The following SLC41A3 variants were observed in gnomAD, a reference collection of about 807,000 sequenced individuals.
The protein encoded by SLC41A3 is solute carrier family 41 member 3, also known as SLC41A1-like 2.
In SLC41A3, 44 loss-of-function variants were observed where a neutral mutation model predicts 45.4. The ratio of observed to expected loss-of-function variants is 0.97; its 90% CI spans 0.76 to 1.25. The LOEUF (loss-of-function observed/expected upper bound fraction) is 1.25. Among genes scored for constraint, SLC41A3 ranks in the 50% most tolerant of loss-of-function variants. SLC41A3 has a pLI of 0.00. For missense variants in SLC41A3, 550 were observed against 600.6 expected (o/e 0.92, Z 0.88); for synonymous variants, 256 against 252.4 (o/e 1.01, Z -0.13).
upstream of SLC41A3, among the ~76,000 whole-genome samples, chr3:126,087,915 A>T (rs747763783): frequency 6.6e-6 from 1 of 152,136 alleles, no homozygotes; most frequent in Admixed American, 6.5e-5. Context: ...TAATTGGCTA[A>T]AACAGTATTT....
At chr3:126,068,495 G>A (rs1426445484) in intron 1 of SLC41A3, among the ~76,000 whole-genome samples, 1 of 152,038 alleles carries the variant, frequency 6.6e-6, no homozygotes, top group Admixed American at 6.6e-5. Flanking sequence ...CAGCAAAAAA[G>A]GGCCTCTGAA....
At chr3:126,068,619 C>T (rs1434052211) in intron 1 of SLC41A3, among the ~76,000 whole-genome samples, 1 of 152,314 alleles carries the variant, frequency 6.6e-6, no homozygotes. Context: ...AATACCCATT[C>T]AAGAAAAATT....
At chr3:126,021,872 GT>G (rs1940913693) in intron 6 of SLC41A3, among the ~76,000 whole-genome samples, 1 of 152,156 alleles carries the variant, frequency 6.6e-6, no homozygotes, top group Non-Finnish European at 1.5e-5. Context: ...TTCCTAAGTT[GT>G]TTACAAAGAA....
intron 3 of SLC41A3, among the ~76,000 whole-genome samples, chr3:126,035,530 G>A (rs1942124604): frequency 6.6e-6 from 1 of 152,210 alleles, no homozygotes; most frequent in Admixed American, 6.5e-5. Context: ...TTGCCATGAG[G>A]GAGAAAGAGC....
At chr3:126,087,991 CTT>C (rs1250306227), upstream of SLC41A3, among the ~76,000 whole-genome samples, 3 of 152,064 alleles carry the variant, frequency 2.0e-5, no homozygotes, top group African/African-American at 7.2e-5. Flanking sequence ...TAATCTGTCT[CTT>C]TGACATTCTG....
chr3:126,018,344 ATCT>A (rs1174316342), intron 6 of SLC41A3, among the ~76,000 whole-genome samples: 5 of 152,142 alleles, frequency 3.3e-5, no homozygotes, highest in Non-Finnish European at 5.9e-5. Flanking sequence ...CCATATACAA[ATCT>A]TCTTGTTTTA....
At chr3:126,079,211 A>AACACACACACAC (rs63385862) in intron 1 of SLC41A3, among the ~76,000 whole-genome samples, 1 of 54,990 alleles carries the variant, frequency 1.8e-5, no homozygotes, top group African/African-American at 7.8e-5. Flanking sequence ...AGGTAAGGGA[A>AACACACACACAC]ACACACACAC....
intron 8 of SLC41A3, among the ~76,000 whole-genome samples, chr3:126,013,836 C>T (rs778723425): frequency 1.3e-4 from 20 of 152,050 alleles, no homozygotes; most frequent in Non-Finnish European, 2.4e-4. Context: ...GGAAACAGGA[C>T]GAGCGGGGTC....
At chr3:126,093,202 A>C (rs1029870995) in intron 1 of SLC41A3, among the ~76,000 whole-genome samples, 8 of 152,360 alleles carry the variant, frequency 5.3e-5, no homozygotes, top group Middle Eastern at 3.4e-3. Flanking sequence ...CAAGCTATTC[A>C]TACTAAAAAA....
In SLC41A3 at chr3:126,067,450, A is replaced by T. The variant is rs1224853989; in HGVS notation, c.273+497T>A. On this transcript the variant is annotated intron_variant, in intron 2 of 10. Transcript: ENST00000360370. ...ATCTGATGGGTGTCCTCTTAGGAAG[A>T]GGGATTAGGACAGAGACATGCAGAG... 1.2e-5 allele frequency: 3 copies of T among 241,948 alleles called. No homozygotes were observed. The East Asian group carries it at 3.9e-4, about 31-fold the overall frequency. The allele number at this position is 241,948 out of a possible 1,614,324, so 15.0% of individuals were successfully genotyped here. A position where few individuals can be genotyped will look rare whatever the true frequency, so the allele number is the denominator to read the frequency against.
intron 2 of SLC41A3, chr3:126,056,332 T>C (rs757251921): frequency 3.1e-6 from 5 of 1,608,642 alleles, no homozygotes; most frequent in Admixed American, 1.7e-5. Flanking sequence ...CTCCCACCCC[T>C]GATCCCCCAA....
intron 1 of SLC41A3, chr3:126,095,423 G>C (rs539564470): frequency 2.1e-6 from 1 of 487,022 alleles, no homozygotes; most frequent in South Asian, 3.3e-5. Flanking sequence ...AGGAAAGCGA[G>C]ACAGCCAGTC....
chr3:126,053,838 AC>A (rs1382252066), intron 2 of SLC41A3, among the ~76,000 whole-genome samples: 1 of 151,926 alleles, frequency 6.6e-6, no homozygotes, highest in East Asian at 1.9e-4. Flanking sequence ...TCTCCTTGCC[AC>A]CCGTGTCCTT....
At chr3:126,082,834 T>C (rs1349359304) in intron 1 of SLC41A3, among the ~76,000 whole-genome samples, 1 of 152,130 alleles carries the variant, frequency 6.6e-6, no homozygotes, top group Non-Finnish European at 1.5e-5. Flanking sequence ...ACCTGGCTGG[T>C]CGTGATTCTG....
chr3:126,023,647 G>A (rs1941101518), intron 5 of SLC41A3: 1 of 152,398 alleles, frequency 6.6e-6, no homozygotes, highest in South Asian at 2.1e-4. Context: ...GTGCAGTGGT[G>A]GCGGATTTCT....
chr3:126,080,531 CT>C (rs1475098533), intron 1 of SLC41A3, among the ~76,000 whole-genome samples: 1 of 152,188 alleles, frequency 6.6e-6, no homozygotes, highest in Non-Finnish European at 1.5e-5. Context: ...TTTTAAATGG[CT>C]TTTATAAAAA....
intron 9 of SLC41A3, among the ~76,000 whole-genome samples, chr3:126,011,071 C>G (rs1176729038): frequency 1.3e-5 from 2 of 152,160 alleles, no homozygotes; most frequent in Non-Finnish European, 2.9e-5. Flanking sequence ...TGAGAAAAGA[C>G]AACCAACAGA....
chr3:126,034,710 T>G (rs926667834), intron 3 of SLC41A3, among the ~76,000 whole-genome samples: 4 of 152,254 alleles, frequency 2.6e-5, no homozygotes, highest in Non-Finnish European at 5.9e-5. Flanking sequence ...AGCTGCACTG[T>G]GTGTTCACTG....
At chr3:126,096,967 G>A (rs945228688) in intron 1 of SLC41A3, among the ~76,000 whole-genome samples, 1 of 152,182 alleles carries the variant, frequency 6.6e-6, no homozygotes, top group Admixed American at 6.5e-5. Flanking sequence ...AAGAGACTGA[G>A]GCAAGTTCCA....
Sources: gnomAD v4.1 joint callset for allele counts (sites outside exome capture counted in the v4.1 genomes callset) on GRCh38, gnomAD v4.1.1 for gene constraint, MANE v1.5 for transcripts, NCBI Gene and HGNC (gene_info 2026-07-23, HGNC 2026-07-21) for gene names.